CENPM: variants seen among roughly 807,000 people sequenced by gnomAD.
The protein encoded by CENPM is centromere protein M.
CENPM carries 14 observed loss-of-function variants against 19.6 expected under a neutral mutation model. The ratio of observed to expected loss-of-function variants is 0.71; its 90% CI spans 0.47 to 1.11. The LOEUF (loss-of-function observed/expected upper bound fraction) is 1.11. CENPM is among the 50% of genes most tolerant of loss of function. CENPM has a pLI of 0.00. For missense variants in CENPM, 239 were observed against 228.4 expected, an observed-to-expected ratio of 1.05 and a Z score of -0.30; for synonymous variants, 114 against 101.5, an observed-to-expected ratio of 1.12 and a Z score of -0.74.
intron 5 of CENPM, chr22:41,940,189 T>C (rs752643084): frequency 2.6e-6 from 2 of 764,714 alleles, no homozygotes; most frequent in South Asian, 1.4e-5. Context: ...TTGCTGTTCC[T>C]CCTTCCACGA....
chr22:41,930,220 C>T, the CENPM span, among the ~76,000 whole-genome samples: 2 of 150,622 alleles, frequency 1.3e-5, no homozygotes, highest in African/African-American at 2.4e-5. Context: ...GGATTACAGA[C>T]GTGAGCCACC....
downstream of CENPM, among the ~76,000 whole-genome samples, chr22:41,938,141 ATTTTTT>A (rs11440934): frequency 1.7e-5 from 2 of 120,064 alleles, no homozygotes; most frequent in Non-Finnish European, 3.4e-5. Context: ...CGCGCCCAGC[ATTTTTT>A]TTTTTTTTTT....
At chr22:41,931,372 G>C in the CENPM span, among the ~76,000 whole-genome samples, 1 of 151,774 alleles carries the variant, frequency 6.6e-6, no homozygotes. Context: ...CCAGCTACTT[G>C]GGAGGCTGAG....
chr22:41,943,028 T>C (rs979066118), intron 5 of CENPM, among the ~76,000 whole-genome samples: 2 of 152,120 alleles, frequency 1.3e-5, no homozygotes, highest in African/African-American at 2.4e-5. Flanking sequence ...CAGGATCCAG[T>C]TGGGGCAGAA....
intron 1 of CENPM, 27 bp downstream of exon 1, chr22:41,946,993 G>C (rs771408048): frequency 2.5e-6 from 4 of 1,611,202 alleles, no homozygotes; most frequent in Non-Finnish European, 3.4e-6. Context: ...AAAAACCGGC[G>C]GGGGAAGCAG....
chr22:41,929,407 T>C, the CENPM span, among the ~76,000 whole-genome samples: 3 of 152,140 alleles, frequency 2.0e-5, no homozygotes, highest in African/African-American at 7.2e-5. Flanking sequence ...GGGGAACCTG[T>C]CCCTGGAGAG....
chr22:41,933,543 G>T, the CENPM span, among the ~76,000 whole-genome samples: 1 of 152,082 alleles, frequency 6.6e-6, no homozygotes, highest in Non-Finnish European at 1.5e-5. Flanking sequence ...GCAGGTCCGG[G>T]GCTCTGGGAA....
chr22:41,931,714 G>A, the CENPM span, among the ~76,000 whole-genome samples: 5 of 152,308 alleles, frequency 3.3e-5, no homozygotes, highest in East Asian at 7.7e-4. Flanking sequence ...CCACCTGACT[G>A]TGAAGCGTGG....
intron 1 of CENPM, 103 bp downstream of exon 1, chr22:41,946,917 A>C: frequency 3.3e-5 from 38 of 1,141,388 alleles, no homozygotes; most frequent in Non-Finnish European, 4.6e-5. Context: ...CCGCCACGGT[A>C]GCGCGCGCTG....
the CENPM span, among the ~76,000 whole-genome samples, chr22:41,932,884 CT>C: frequency 3.9e-5 from 6 of 152,234 alleles, no homozygotes; most frequent in African/African-American, 1.4e-4. This position sits in a 1 kb window ranked among gnomAD's most constrained non-coding sequence, Gnocchi z 4.3. Context: ...TCGCCACTCA[CT>C]CACTTAGCAC....
chr22:41,945,196 G>A (rs1376077931), intron 4 of CENPM, 29 bp downstream of exon 4: 1 of 1,613,818 alleles, frequency 6.2e-7, no homozygotes, highest in Non-Finnish European at 8.5e-7. Flanking sequence ...GGCTGGGGGT[G>A]GGCAGTAACA....
the CENPM span, among the ~76,000 whole-genome samples, chr22:41,928,336 C>T: frequency 2.0e-5 from 3 of 152,212 alleles, no homozygotes; most frequent in South Asian, 2.1e-4. The surrounding 1 kb of genome is among the most constrained non-coding windows in gnomAD (Gnocchi z 4.0). Context: ...GTCTGTCACC[C>T]GTGTCTCTCT....
At chr22:41,945,144 G>A in intron 4 of CENPM, 81 bp downstream of exon 4, 1 of 1,603,512 alleles carries the variant, frequency 6.2e-7, no homozygotes, top group Non-Finnish European at 8.5e-7. Flanking sequence ...CATCACCCAG[G>A]GTGCCTCAGC....
intron 2 of CENPM, 51 bp downstream of exon 2, chr22:41,946,366 C>T (rs775434219): frequency 2.0e-6 from 3 of 1,490,112 alleles, no homozygotes; most frequent in East Asian, 4.6e-5. Flanking sequence ...AGGACCGAAT[C>T]CCTCTGGAGT....
chr22:41,927,224 CTCTCTT>C, the CENPM span, among the ~76,000 whole-genome samples: 5 of 151,988 alleles, frequency 3.3e-5, no homozygotes, highest in Admixed American at 6.5e-5. Flanking sequence ...CCGGCCTGGC[CTCTCTT>C]TCTACCTGTG....
chr22:41,943,760 G>T (rs2077765442), intron 4 of CENPM, 59 bp from the exon 5 acceptor site: 8 of 1,495,854 alleles, frequency 5.3e-6, no homozygotes, highest in Non-Finnish European at 7.4e-6. Context: ...TGGAATTCAG[G>T]AAGTGCTGGG....
At chr22:41,939,279 C>T (rs1448333908) in intron 5 of CENPM, 83 bp from the exon 6 acceptor site, 2 of 1,486,092 alleles carry the variant, frequency 1.3e-6, no homozygotes, top group East Asian at 4.9e-5. Context: ...GCTGCCAGAG[C>T]AGGGCTGGGG....
chr22:41,942,515 C>G (rs2077750492), intron 5 of CENPM, among the ~76,000 whole-genome samples: 1 of 152,064 alleles, frequency 6.6e-6, no homozygotes. Context: ...CTTTGGGAAG[C>G]CGAGGCGGGC....
chr22:41,939,623 G>A (rs548956031), intron 5 of CENPM, among the ~76,000 whole-genome samples: 6 of 151,594 alleles, frequency 4.0e-5, no homozygotes, highest in Non-Finnish European at 7.4e-5. Flanking sequence ...AGGGGCAGCG[G>A]GTGGCCCTCA....
Sources: allele counts gnomAD v4.1 joint callset (sites outside exome capture counted in the v4.1 genomes callset), GRCh38; gene constraint gnomAD v4.1.1; non-coding constraint Gnocchi (gnomAD v3.1); transcripts MANE v1.5; gene names NCBI Gene and HGNC (gene_info 2026-07-23, HGNC 2026-07-21).